Variants in PLCXD3 observed in about 807,000 individuals in gnomAD.
The protein encoded by PLCXD3 is PI-PLC X domain-containing protein 3.
PLCXD3 carries 19 observed loss-of-function variants against 25.5 expected under a neutral mutation model. The ratio of observed to expected loss-of-function variants is 0.75; its 90% CI spans 0.52 to 1.09. PLCXD3 has a LOEUF of 1.09. Among genes scored for constraint, PLCXD3 ranks in the 50% least tolerant of loss-of-function variants. The pLI, the probability that PLCXD3 is intolerant of heterozygous loss-of-function variation, is 0.00. For missense variants in PLCXD3, 411 were observed against 388.1 expected, an observed-to-expected ratio of 1.06 and a Z score of -0.50; for synonymous variants, 174 against 137.6, an observed-to-expected ratio of 1.26 and a Z score of -1.85.
intron 2 of PLCXD3, among the ~76,000 whole-genome samples, chr5:41,319,415 C>A (rs1199494627): frequency 6.6e-6 from 1 of 152,156 alleles, no homozygotes; most frequent in African/African-American, 2.4e-5. Context: ...AACATCTTCT[C>A]TGACCACAAT....
intron 2 of PLCXD3, among the ~76,000 whole-genome samples, chr5:41,350,691 G>A (rs189729224): frequency 2.0e-5 from 3 of 152,300 alleles, no homozygotes; most frequent in Admixed American, 1.3e-4. Flanking sequence ...AATTTCCCGA[G>A]TGTCCACCTA....
intron 1 of PLCXD3, among the ~76,000 whole-genome samples, chr5:41,460,872 T>C (rs543181568): frequency 1.6e-4 from 25 of 152,102 alleles, no homozygotes; most frequent in African/African-American, 6.0e-4. Flanking sequence ...TTTTTTCTTA[T>C]TACTATTGTT....
At chr5:41,336,400 G>C (rs1743980789) in intron 2 of PLCXD3, among the ~76,000 whole-genome samples, 1 of 152,098 alleles carries the variant, frequency 6.6e-6, no homozygotes, top group Non-Finnish European at 1.5e-5. Flanking sequence ...ACTCAATGCA[G>C]GTTAATTGTT....
chr5:41,438,163 A>T (rs968447695), intron 1 of PLCXD3, among the ~76,000 whole-genome samples: 2 of 152,188 alleles, frequency 1.3e-5, no homozygotes, highest in Non-Finnish European at 2.9e-5. Flanking sequence ...ACTGCCACCA[A>T]CTTAGAACAG....
intron 1 of PLCXD3, among the ~76,000 whole-genome samples, chr5:41,436,682 G>A (rs1389904907): frequency 6.6e-6 from 1 of 152,120 alleles, no homozygotes; most frequent in Non-Finnish European, 1.5e-5. Context: ...CACTTAGCAG[G>A]TGCACAACAA....
At chr5:41,358,096 CCAGA>C (rs1390588890) in intron 2 of PLCXD3, among the ~76,000 whole-genome samples, 7 of 152,116 alleles carry the variant, frequency 4.6e-5, no homozygotes, top group African/African-American at 1.7e-4. Flanking sequence ...TCGCTATGTA[CCAGA>C]CAGAGAGCTA....
Position 41,313,544 on chromosome 5 carries a change from A to C in PLCXD3, c.*73T>G, listed in dbSNP as rs1385479296. On this transcript the variant is annotated 3_prime_UTR_variant, in exon 3 of 3. Transcript: ENST00000377801. ...AGACTCAGTGGAATAGGAAGATCAGAGTGTTTACAGATAGTATGCCCTAAT... is the reference window on the plus strand; with the variant it reads ...AGACTCAGTGGAATAGGAAGATCAGCGTGTTTACAGATAGTATGCCCTAAT... The C allele has an allele frequency of 1.9e-6, 3 of 1,564,294 alleles. No individual in the cohort carries two copies. The highest frequency in any genetic ancestry group is 2.6e-6 in the Non-Finnish European group (3 of 1,137,672).
intron 1 of PLCXD3, among the ~76,000 whole-genome samples, chr5:41,444,348 C>T (rs1319157728): frequency 1.3e-5 from 2 of 152,138 alleles, no homozygotes; most frequent in Admixed American, 6.5e-5. Flanking sequence ...AATGATAGCA[C>T]TTCAAGTACC....
At chr5:41,478,481 AC>A (rs1748327606) in intron 1 of PLCXD3, among the ~76,000 whole-genome samples, 2 of 152,192 alleles carry the variant, frequency 1.3e-5, no homozygotes, top group Non-Finnish European at 2.9e-5. Flanking sequence ...ATTATCTAAA[AC>A]ATCATTAATA....
At chr5:41,411,852 A>C (rs1746536408) in intron 1 of PLCXD3, among the ~76,000 whole-genome samples, 1 of 145,334 alleles carries the variant, frequency 6.9e-6, no homozygotes, top group Non-Finnish European at 1.5e-5. Context: ...ATCTCCATAT[A>C]TATGTATCCA....
At chr5:41,427,215 T>C (rs1746981629) in intron 1 of PLCXD3, among the ~76,000 whole-genome samples, 4 of 152,152 alleles carry the variant, frequency 2.6e-5, no homozygotes, top group Admixed American at 2.6e-4. Context: ...CCCTATCTTC[T>C]GTTTCTTTCT....
intron 2 of PLCXD3, among the ~76,000 whole-genome samples, chr5:41,358,567 T>C (rs1485240129): frequency 6.6e-6 from 1 of 152,234 alleles, no homozygotes; most frequent in Non-Finnish European, 1.5e-5. Flanking sequence ...TGGTTTTCCA[T>C]TCCTGGGTTA....
intron 1 of PLCXD3, among the ~76,000 whole-genome samples, chr5:41,508,917 G>A (rs528249415): frequency 5.2e-4 from 79 of 152,320 alleles, no homozygotes; most frequent in African/African-American, 1.9e-3. Flanking sequence ...AGCAGAATAA[G>A]TGCTGCATGG....
rs917203837 is a variant in PLCXD3 at position 41,433,086 on chromosome 5, C to T, written c.104-50552G>A. ...TAGCCGGTGCAGAGGCCAGCTTTCT[C>T]CACCACATGGCAGAGGAGCTCAGAA... is the stretch of plus-strand genomic sequence containing the variant. On this transcript the variant is annotated intron_variant, in intron 1 of 2. Transcript: ENST00000377801. Among the ~76,000 whole-genome samples the T allele has an allele frequency of 2.0e-5, 3 of 152,172 alleles. No individual in the cohort carries two copies. The East Asian group carries it at 5.8e-4, about 29-fold the overall frequency.
chr5:41,508,228 C>A (rs1749094305), intron 1 of PLCXD3, among the ~76,000 whole-genome samples: 1 of 152,174 alleles, frequency 6.6e-6, no homozygotes, highest in Non-Finnish European at 1.5e-5. Context: ...TCTAAGATCA[C>A]CCAGATACCA....
At chr5:41,393,960 G>A (rs995792563) in intron 1 of PLCXD3, among the ~76,000 whole-genome samples, 17 of 151,714 alleles carry the variant, frequency 1.1e-4, no homozygotes, top group Non-Finnish European at 1.8e-4. Context: ...CACCTCACTC[G>A]TAATAGTAAA....
At chr5:41,415,361 G>T (rs939468638) in intron 1 of PLCXD3, among the ~76,000 whole-genome samples, 2 of 152,144 alleles carry the variant, frequency 1.3e-5, no homozygotes, top group African/African-American at 4.8e-5. Flanking sequence ...AGGAAACCTT[G>T]TCCCAGACTG....
At chr5:41,365,444 C>T (rs1744906097) in intron 2 of PLCXD3, among the ~76,000 whole-genome samples, 1 of 152,140 alleles carries the variant, frequency 6.6e-6, no homozygotes, top group South Asian at 2.1e-4. Flanking sequence ...TACACAGTTG[C>T]AAGCAATGTC....
chr5:41,495,981 G>A (rs895732333), intron 1 of PLCXD3, among the ~76,000 whole-genome samples: 1 of 151,848 alleles, frequency 6.6e-6, no homozygotes, highest in Non-Finnish European at 1.5e-5. Context: ...CATTAGTTCA[G>A]GACAACAATA....
Sources: gnomAD v4.1 joint callset for allele counts (sites outside exome capture counted in the v4.1 genomes callset) on GRCh38, gnomAD v4.1.1 for gene constraint, MANE v1.5 for transcripts, NCBI Gene and HGNC (gene_info 2026-07-23, HGNC 2026-07-21) for gene names.